Variants in CDH12 observed in about 807,000 individuals in gnomAD.
CDH12 encodes the protein cadherin 12.
A neutral mutation model predicts 74.1 loss-of-function variants in CDH12; 41 were observed. The ratio of observed to expected loss-of-function variants is 0.55; its 90% CI spans 0.43 to 0.72. The LOEUF is 0.72. CDH12 is among the 30% of genes least tolerant of loss of function. The pLI is 0.00. For synonymous variants in CDH12, 399 were observed against 355.0 expected, an observed-to-expected ratio of 1.12 and a Z score of -1.39; for missense variants, 945 against 977.2, an observed-to-expected ratio of 0.97 and a Z score of 0.44.
At chr5:22,781,765 G>T (rs1034986200) in intron 1 of CDH12, among the ~76,000 whole-genome samples, 1 of 151,916 alleles carries the variant, frequency 6.6e-6, no homozygotes, top group Non-Finnish European at 1.5e-5. Context: ...AAGCTTCTAG[G>T]GATACTATTG....
chr5:21,853,799 T>C (rs1750602756), intron 7 of CDH12, among the ~76,000 whole-genome samples: 1 of 151,676 alleles, frequency 6.6e-6, no homozygotes, highest in Admixed American at 6.6e-5. Context: ...AACTTATTAG[T>C]TCCATATGAG....
intron 6 of CDH12, among the ~76,000 whole-genome samples, chr5:21,907,197 C>T (rs894824084): frequency 1.3e-5 from 2 of 152,084 alleles, no homozygotes; most frequent in African/African-American, 4.8e-5. Flanking sequence ...ATTAGAACAT[C>T]GTAACGGGAA....
At chr5:22,707,110 C>G (rs1000402584) in intron 1 of CDH12, among the ~76,000 whole-genome samples, 16 of 152,254 alleles carry the variant, frequency 1.1e-4, no homozygotes, top group Middle Eastern at 3.4e-3. Flanking sequence ...TTATTACAAC[C>G]TAATCACACC....
intron 1 of CDH12, among the ~76,000 whole-genome samples, chr5:22,747,956 T>G (rs1021675600): frequency 1.3e-5 from 2 of 152,160 alleles, no homozygotes; most frequent in African/African-American, 4.8e-5. Context: ...TAAATTTGAG[T>G]AGAGAAGAAT....
In CDH12 at chr5:21,765,083, G is replaced by A; in HGVS notation, c.1410C>T (p.Thr470=). The A allele has an allele frequency of 6.3e-7, 1 of 1,585,190 alleles. No individual in the cohort carries two copies. The highest frequency in any genetic ancestry group is 2.3e-5 in the East Asian group (1 of 43,968). ...CATTAATCAGTATATTGACTTTGCT[G>A]GTCAATAAAGGGTTACCTGTTAAAA... is the stretch of plus-strand genomic sequence containing the variant. The part of the protein sequence containing the change: ...IASKVSNPLL[T]SKVNILINVL... The change falls in exon 12 of 15, where the codon ACC becomes ACT. Residue 470 remains threonine, a synonymous_variant. Coordinates refer to ENST00000382254, the MANE Select transcript of CDH12 (RefSeq NM_004061.5).
At chr5:21,781,595 A>G (rs533595580) in intron 11 of CDH12, among the ~76,000 whole-genome samples, 1 of 152,034 alleles carries the variant, frequency 6.6e-6, no homozygotes, top group South Asian at 2.1e-4. Context: ...GCGATGATAC[A>G]TGCCTGTGAT....
intron 1 of CDH12, among the ~76,000 whole-genome samples, chr5:22,553,744 G>T (rs1015967885): frequency 6.6e-6 from 1 of 152,176 alleles, no homozygotes; most frequent in Middle Eastern, 3.4e-3. Context: ...TGACACCAGG[G>T]ACCAGTTTCA....
At chr5:22,843,630 G>A (rs578005322) in intron 1 of CDH12, among the ~76,000 whole-genome samples, 3 of 151,868 alleles carry the variant, frequency 2.0e-5, no homozygotes, top group East Asian at 1.9e-4. Context: ...GTGTGTGTGT[G>A]TGTGTGTGTG....
chr5:22,706,666 T>C (rs141824493), intron 1 of CDH12, among the ~76,000 whole-genome samples: 1,555 of 152,190 alleles, frequency 0.01, 13 homozygotes, highest in Non-Finnish European at 0.016. Flanking sequence ...CAAATTAATA[T>C]CTGTTTTGAA....
At chr5:21,821,490 CATTTT>C (rs1268697651) in intron 8 of CDH12, among the ~76,000 whole-genome samples, 3 of 151,512 alleles carry the variant, frequency 2.0e-5, no homozygotes, top group Admixed American at 1.3e-4. Flanking sequence ...TTTTGAAATA[CATTTT>C]ATTTTATCTT....
chr5:22,776,487 T>C (rs1561023376), intron 1 of CDH12, among the ~76,000 whole-genome samples: 1 of 152,120 alleles, frequency 6.6e-6, no homozygotes, highest in Non-Finnish European at 1.5e-5. Flanking sequence ...TATAGTACAA[T>C]ATGGTAATGC....
At chr5:21,852,884 A>G (rs1010652277) in intron 7 of CDH12, among the ~76,000 whole-genome samples, 2 of 151,418 alleles carry the variant, frequency 1.3e-5, no homozygotes, top group African/African-American at 2.4e-5. Flanking sequence ...CAGATTACCC[A>G]TTATAGCAAA....
Position 21,818,110 on chromosome 5 carries a change from G to GGAAAGGAA in CDH12, c.815-979_815-978insTTCCTTTC, listed in dbSNP as rs1212221470. On this transcript the variant is annotated intron_variant, in intron 8 of 14. Coordinates refer to ENST00000382254, the MANE Select transcript of CDH12 (RefSeq NM_004061.5). ...AAATTCAAATGAGGAAAGGAAATGA[G>GGAAAGGAA]AGAAAATAAAAATTAAGAAACAAAA... 3.6e-4 allele frequency among the ~76,000 whole-genome samples: 54 copies of GGAAAGGAA among 152,038 alleles called. No individual in the cohort carries two copies. In the East Asian group the frequency reaches 9.9e-3, roughly 28 times the overall value.
intron 1 of CDH12, among the ~76,000 whole-genome samples, chr5:22,628,963 A>T (rs185785080): frequency 6.6e-6 from 1 of 151,984 alleles, no homozygotes; most frequent in Non-Finnish European, 1.5e-5. Flanking sequence ...CTCAGACACT[A>T]TCATGAAAAA....
At chr5:22,507,511 T>G (rs1736437581) in intron 1 of CDH12, among the ~76,000 whole-genome samples, 1 of 152,154 alleles carries the variant, frequency 6.6e-6, no homozygotes, top group Admixed American at 6.5e-5. Context: ...TGGGATAACT[T>G]ATTTTCTGAA....
intron 6 of CDH12, among the ~76,000 whole-genome samples, chr5:21,971,681 C>T (rs941056284): frequency 1.3e-5 from 2 of 152,128 alleles, no homozygotes; most frequent in Non-Finnish European, 2.9e-5. Context: ...GCATAATCAT[C>T]AGATATTAAA....
At chr5:22,051,246 G>T (rs1419310191) in intron 5 of CDH12, among the ~76,000 whole-genome samples, 1 of 152,000 alleles carries the variant, frequency 6.6e-6, no homozygotes, top group Non-Finnish European at 1.5e-5. Context: ...CCAACTCTAA[G>T]CCTGTTCCAT....
At position 22,517,884 on chromosome 5, in the gene CDH12, G is replaced by A. The variant is rs547153213; in HGVS notation, c.-522-12520C>T. ...ACAATCAAGCATCTGGGTTCTGGGG[G>A]AGAAAATATCTCACACATTAATACA... On this transcript the variant is annotated intron_variant, in intron 1 of 14. Coordinates refer to ENST00000382254, the MANE Select transcript of CDH12 (RefSeq NM_004061.5). 1.2e-4 allele frequency among the ~76,000 whole-genome samples: 18 copies of A among 152,234 alleles called. No homozygotes were observed. In the South Asian group the frequency reaches 3.7e-3, roughly 32 times the overall value.
intron 1 of CDH12, among the ~76,000 whole-genome samples, chr5:22,788,853 C>T (rs1463501549): frequency 2.6e-5 from 4 of 151,674 alleles, no homozygotes; most frequent in Non-Finnish European, 5.9e-5. Flanking sequence ...TATCAGAACT[C>T]GAATTTTCAC....
Sources: gnomAD v4.1 joint callset for allele counts (sites outside exome capture counted in the v4.1 genomes callset) on GRCh38, gnomAD v4.1.1 for gene constraint, MANE v1.5 for transcripts, NCBI Gene and HGNC (gene_info 2026-07-23, HGNC 2026-07-21) for gene names.